DENR: variants seen among roughly 807,000 people sequenced by gnomAD.
The protein encoded by DENR is density regulated re-initiation and release factor.
A neutral mutation model predicts 30.6 loss-of-function variants in DENR; 6 were observed. The ratio of observed to expected loss-of-function variants is 0.20; its 90% CI spans 0.11 to 0.39. The LOEUF is 0.39. DENR is among the 10% of genes least tolerant of loss of function. The pLI, the probability that DENR is intolerant of heterozygous loss-of-function variation, is 1.00. For synonymous variants in DENR, 78 were observed against 72.1 expected, an observed-to-expected ratio of 1.08 and a Z score of -0.41; for missense variants, 141 against 230.9, an observed-to-expected ratio of 0.61 and a Z score of 2.52.
At chr12:122,753,621 T>C in intron 1 of DENR, 72 bp from the exon 2 acceptor site, 1 of 1,205,978 alleles carries the variant, frequency 8.3e-7, no homozygotes. Context: ...GAGGTTTCTG[T>C]TGAGAGGAAC....
intron 4 of DENR, among the ~76,000 whole-genome samples, chr12:122,763,423 T>C (rs910936099): frequency 7.0e-6 from 1 of 142,276 alleles, no homozygotes; most frequent in Non-Finnish European, 1.5e-5. Flanking sequence ...AGTAAATGAT[T>C]GGCTGGGCGC....
Position 122,757,022 on chromosome 12 carries a change from A to C in DENR, c.106+3215A>C, listed in dbSNP as rs149608420. Among the ~76,000 whole-genome samples, 1,258 of 152,304 alleles carry C rather than the reference A, an allele frequency of 8.3e-3. 21 individuals are homozygous for C. The highest frequency in any genetic ancestry group is 0.028 in the African/African-American group (1,143 of 41,552). On this transcript the variant is annotated intron_variant, in intron 2 of 7. Transcript: ENST00000280557. ...GATTTGAGGACAAGGGAGATGGGAG[A>C]AATAAACTGGATGTAGTTTTGACAG... is the stretch of plus-strand genomic sequence containing the variant.
At chr12:122,755,750 G>A (rs57366988) in intron 2 of DENR, among the ~76,000 whole-genome samples, 19,962 of 152,180 alleles carry the variant, frequency 0.13, 2,243 homozygotes, top group African/African-American at 0.29. Flanking sequence ...TGTGACCTCA[G>A]AGGGTCAGTG....
At position 122,768,929 on chromosome 12, in the gene DENR, C is replaced by G. The variant is rs367903795; in HGVS notation, c.552+8C>G. On this transcript the variant is annotated splice_region_variant and intron_variant, in intron 7 of 7. Transcript: ENST00000280557. Reference sequence around the variant, plus strand: ...CAGGAAAAATGGCCAGAGGTGAGTGCATGGAACACATACATCGCTAGAGAT... The same window carrying G: ...CAGGAAAAATGGCCAGAGGTGAGTGGATGGAACACATACATCGCTAGAGAT... 4.3e-6 allele frequency: 7 copies of G among 1,609,956 alleles called. No individual in the cohort carries two copies. The African/African-American group carries it at 9.4e-5, about 22-fold the overall frequency.
chr12:122,770,975 G>T lies in DENR; in HGVS notation c.*1897G>T. 2.7e-6 allele frequency: 1 copy of T among 372,882 alleles called. No homozygotes were observed. The allele number at this position is 372,882 out of a possible 1,614,324, so 23.1% of individuals were successfully genotyped here. A position where few individuals can be genotyped will look rare whatever the true frequency, so the allele number is the denominator to read the frequency against. ...CATGTAAAGTTTCTTTGTGTTCACA[G>T]TTCTTAGCAAATGCAGTTACAATCC... On this transcript the variant is annotated 3_prime_UTR_variant, in exon 8 of 8. Coordinates refer to ENST00000280557, the MANE Select transcript of DENR (RefSeq NM_003677.5).
intron 3 of DENR, among the ~76,000 whole-genome samples, chr12:122,762,613 T>C (rs1293142263): frequency 6.6e-6 from 1 of 152,142 alleles, no homozygotes; most frequent in Non-Finnish European, 1.5e-5. Flanking sequence ...AAGCAAGAAA[T>C]AGAGGGAGAA....
At chr12:122,755,740 T>G (rs1878534142) in intron 2 of DENR, among the ~76,000 whole-genome samples, 1 of 152,236 alleles carries the variant, frequency 6.6e-6, no homozygotes, top group Non-Finnish European at 1.5e-5. Context: ...ATCTATTCCC[T>G]GTGACCTCAG....
At chr12:122,758,850 A>T (rs535728824) in intron 2 of DENR, among the ~76,000 whole-genome samples, 12,348 of 40,192 alleles carry the variant, frequency 0.31, 812 homozygotes, top group East Asian at 0.55. Flanking sequence ...TTTTTTATTT[A>T]TTTATTTTTT....
chr12:122,753,462 GCCCCATCCTTCAT>G (rs1878468589), intron 1 of DENR, among the ~76,000 whole-genome samples: 1 of 152,080 alleles, frequency 6.6e-6, no homozygotes, highest in Non-Finnish European at 1.5e-5. Context: ...GAGTCCCTCT[GCCCCATCCTTCAT>G]GGTCCATTTG....
rs147566100 is a variant in DENR at position 122,753,842 on chromosome 12, A to C, written c.106+35A>C. The C allele has an allele frequency of 8.1e-4, 1,216 of 1,500,170 alleles. 7 individuals are homozygous for C. The African/African-American group carries it at 0.015, about 19-fold the overall frequency. The allele number at this position is 1,500,170 out of a possible 1,614,324, so 92.9% of individuals were successfully genotyped here. On this transcript the variant is annotated intron_variant, in intron 2 of 7. Coordinates refer to ENST00000280557, the MANE Select transcript of DENR (RefSeq NM_003677.5). Reference sequence around the variant, plus strand: ...GGTAGCCACAGAATGACTTTTACTCACTATACTTTTATGCATTGTAATAAC... The same window carrying C: ...GGTAGCCACAGAATGACTTTTACTCCCTATACTTTTATGCATTGTAATAAC...
At chr12:122,766,732 G>A (rs1394443331) in intron 5 of DENR, among the ~76,000 whole-genome samples, 1 of 152,052 alleles carries the variant, frequency 6.6e-6, no homozygotes, top group Non-Finnish European at 1.5e-5. Context: ...CTCAGTTCTT[G>A]CTTCTGTTCT....
intron 2 of DENR, among the ~76,000 whole-genome samples, chr12:122,760,787 A>C (rs1465252929): frequency 6.6e-6 from 1 of 152,184 alleles, no homozygotes; most frequent in Non-Finnish European, 1.5e-5. Flanking sequence ...AATTACGGTT[A>C]AAATTGGAAG....
Position 122,767,535 on chromosome 12 carries a change from G to C in DENR, c.343G>C (p.Val115Leu). The C allele has an allele frequency of 6.3e-7, 1 of 1,597,950 alleles. No homozygotes were observed. The highest frequency in any genetic ancestry group is 1.1e-5 in the South Asian group (1 of 87,504). Residue 115 changes from valine (V) to leucine (L), a missense_variant, in exon 6 of 8, where the codon GTT becomes CTT. Val to Leu is a conservative substitution (Grantham distance 32). This residue lies in a region of DENR where 104 missense variants were observed against 138.3 expected (regional missense o/e 0.75). Coordinates refer to ENST00000280557, the MANE Select transcript of DENR (RefSeq NM_003677.5). ...KQKKKTVPQK[V>L]TIAKIPRAKK... ...AAAAAAGAAGACCGTACCACAAAAG[G>C]TTACTATAGCCAAAATTCCCAGAGC...
At chr12:122,758,108 G>A (rs922461618) in intron 2 of DENR, among the ~76,000 whole-genome samples, 1 of 152,188 alleles carries the variant, frequency 6.6e-6, no homozygotes, top group Non-Finnish European at 1.5e-5. Flanking sequence ...GTCTCACTCT[G>A]TTGCCCAGAC....
chr12:122,759,091 A>T (rs1593760623), intron 2 of DENR, among the ~76,000 whole-genome samples: 1 of 151,620 alleles, frequency 6.6e-6, no homozygotes, highest in Non-Finnish European at 1.5e-5. Context: ...GTGATCCACC[A>T]CCTCGGCCTC....
intron 2 of DENR, among the ~76,000 whole-genome samples, chr12:122,760,290 A>G (rs1367487640): frequency 1.3e-5 from 2 of 152,182 alleles, no homozygotes; most frequent in African/African-American, 4.8e-5. Context: ...TAAACATAAT[A>G]ATGTATATAA....
intron 4 of DENR, among the ~76,000 whole-genome samples, chr12:122,764,969 G>A (rs1473374757): frequency 6.6e-6 from 1 of 152,160 alleles, no homozygotes; most frequent in African/African-American, 2.4e-5. Context: ...AGCGGGTGGG[G>A]AGCTCTTCTC....
rs57997389 is a variant in DENR, at chr12:122,769,222, A to ACATGTGTGTATGTATACATG, written c.*144_*145insCATGTGTGTATGTATACATG. 1.3e-6 allele frequency: 1 copy of ACATGTGTGTATGTATACATG among 777,386 alleles called. No individual in the cohort carries two copies. Among genetic ancestry groups the ACATGTGTGTATGTATACATG allele is most frequent in the East Asian group, 9.0e-5 (1 of 11,070 alleles). The allele number at this position is 777,386 out of a possible 1,614,324, so 48.2% of individuals were successfully genotyped here. A position where few individuals can be genotyped will look rare whatever the true frequency, so the allele number is the denominator to read the frequency against. ...TATGTATACACATATACACATGTATATATACATGTGTGTATGTATACATGT... is the reference window on the plus strand; with the variant it reads ...TATGTATACACATATACACATGTATACATGTGTGTATGTATACATGTATACATGTGTGTATGTATACATGT... On this transcript the variant is annotated 3_prime_UTR_variant, in exon 8 of 8. Transcript: ENST00000280557.
At chr12:122,763,063 T>C in intron 4 of DENR, 134 bp downstream of exon 4, 1 of 612,400 alleles carries the variant, frequency 1.6e-6, no homozygotes, top group East Asian at 2.9e-5. Flanking sequence ...GCTGTTTAAG[T>C]TCTCTCTGAG....
Sources: gnomAD v4.1 joint callset for allele counts (sites outside exome capture counted in the v4.1 genomes callset) on GRCh38, gnomAD v4.1.1 for gene constraint, gnomAD v4.1.1 regional missense constraint, MANE v1.5 for transcripts, NCBI Gene and HGNC (gene_info 2026-07-23, HGNC 2026-07-21) for gene names.